LARP4B: variants seen among roughly 807,000 people sequenced by gnomAD.
LARP4B encodes la-related protein 4B.
In LARP4B, 12 loss-of-function variants were observed where a neutral mutation model predicts 89.8. The ratio of observed to expected loss-of-function variants is 0.13; its 90% CI spans 0.09 to 0.22. The LOEUF is 0.22. Among genes scored for constraint, LARP4B ranks in the 10% least tolerant of loss-of-function variants. LARP4B has a pLI of 1.00. For synonymous variants in LARP4B, 367 were observed against 363.3 expected (o/e 1.01, Z -0.12); for missense variants, 757 against 947.7 (o/e 0.80, Z 2.64).
the LARP4B span, among the ~76,000 whole-genome samples, chr10:980,089 T>A: frequency 1.3e-4 from 19 of 151,520 alleles, no homozygotes; most frequent in Non-Finnish European, 2.2e-4. Context: ...CTAGCAGGAG[T>A]CATTAAATCT....
At chr10:952,345 A>G in the LARP4B span, among the ~76,000 whole-genome samples, 37 of 148,120 alleles carry the variant, frequency 2.5e-4, no homozygotes, top group African/African-American at 9.3e-4. Context: ...ATCTCAAAAA[A>G]AAAAAAAAAA....
chr10:863,810 T>C lies in LARP4B; in HGVS notation c.363A>G (p.Pro121=). The C allele has an allele frequency of 1.2e-6, 2 of 1,614,162 alleles. No homozygotes were observed. Among genetic ancestry groups the C allele is most frequent in the Non-Finnish European group, 1.7e-6 (2 of 1,180,028 alleles). ...AALPDPQESD[P]ADMNALALGP... is the part of the protein sequence containing the mutation. ...CCAGAGCGAGAGCGTTCATGTCTGC[T>C]GGGTCCGACTCCTGCGGGTCTGGCA... Residue 121 remains proline (P), a synonymous_variant, in exon 5 of 18, where the codon CCA becomes CCG. Transcript: ENST00000316157.
chr10:915,515 GT>G (rs934140525), intron 1 of LARP4B, among the ~76,000 whole-genome samples: 1 of 152,000 alleles, frequency 6.6e-6, no homozygotes, highest in South Asian at 2.1e-4. Flanking sequence ...AAAAGTTTTT[GT>G]TTTTTTGGCC....
intron 1 of LARP4B, among the ~76,000 whole-genome samples, chr10:904,954 G>A (rs981205387): frequency 3.9e-5 from 6 of 152,204 alleles, no homozygotes; most frequent in African/African-American, 1.4e-4. Context: ...ATGGTTCAAT[G>A]TACAGACCTC....
chr10:912,398 C>T (rs566291787), intron 1 of LARP4B, among the ~76,000 whole-genome samples: 5 of 152,088 alleles, frequency 3.3e-5, no homozygotes, highest in South Asian at 2.1e-4. Flanking sequence ...CATCCCAGGC[C>T]GAGGGTAGGA....
At chr10:987,623 C>T in the LARP4B span, 1 of 152,250 alleles carries the variant, frequency 6.6e-6, no homozygotes, top group Non-Finnish European at 1.5e-5. Context: ...CACTGCTTGA[C>T]TGAGTCAGCC....
At chr10:817,139 C>T (rs1431789723) in intron 15 of LARP4B, among the ~76,000 whole-genome samples, 4 of 152,174 alleles carry the variant, frequency 2.6e-5, no homozygotes, top group African/African-American at 7.2e-5. Context: ...GTGTGGCAGC[C>T]GGCCAAGTCC....
At chr10:816,826 A>G (rs1188679189) in intron 15 of LARP4B, among the ~76,000 whole-genome samples, 3 of 152,230 alleles carry the variant, frequency 2.0e-5, no homozygotes, top group Non-Finnish European at 4.4e-5. Context: ...ATACTGCATC[A>G]AAATCCACCT....
the LARP4B span, among the ~76,000 whole-genome samples, chr10:961,055 T>C: frequency 1.3e-5 from 2 of 152,224 alleles, no homozygotes; most frequent in Non-Finnish European, 2.9e-5. Context: ...CTGCCACTGA[T>C]GCCTGCTGGA....
At chr10:813,307 C>T in intron 17 of LARP4B, 94 bp from the exon 18 acceptor site, 1 of 1,281,574 alleles carries the variant, frequency 7.8e-7, no homozygotes, top group South Asian at 1.6e-5. Flanking sequence ...GAGTTTTCAA[C>T]TGTAACTAAG....
the LARP4B span, among the ~76,000 whole-genome samples, chr10:970,555 C>T: frequency 6.6e-6 from 1 of 152,284 alleles, no homozygotes; most frequent in African/African-American, 2.4e-5. Flanking sequence ...CTCATCGGGA[C>T]TTCTGTGCCA....
At chr10:863,612 G>C in intron 5 of LARP4B, 131 bp downstream of exon 5, 4 of 992,770 alleles carry the variant, frequency 4.0e-6, no homozygotes, top group Non-Finnish European at 4.4e-6. Flanking sequence ...CCACATAAGG[G>C]TGAGTTTAAA....
At chr10:842,354 C>T (rs780042128) in intron 7 of LARP4B, among the ~76,000 whole-genome samples, 10 of 152,064 alleles carry the variant, frequency 6.6e-5, no homozygotes, top group Admixed American at 1.3e-4. Context: ...CACACCACCA[C>T]GCCCAGCTAA....
intron 7 of LARP4B, among the ~76,000 whole-genome samples, chr10:840,980 C>T (rs1004252413): frequency 2.0e-5 from 3 of 152,024 alleles, no homozygotes; most frequent in African/African-American, 7.2e-5. Flanking sequence ...GGTAAAACCT[C>T]GTCTCTACTA....
At chr10:868,742 C>T (rs765042777) in intron 3 of LARP4B, among the ~76,000 whole-genome samples, 11 of 152,162 alleles carry the variant, frequency 7.2e-5, no homozygotes, top group African/African-American at 1.7e-4. Flanking sequence ...AGTGTGGGCA[C>T]GGAAATAAAA....
At chr10:874,191 G>A (rs562655680) in intron 3 of LARP4B, among the ~76,000 whole-genome samples, 68 of 152,212 alleles carry the variant, frequency 4.5e-4, no homozygotes, top group African/African-American at 1.4e-3. Flanking sequence ...CCAAGATTGC[G>A]CCACTGCACT....
At chr10:965,989 G>C in the LARP4B span, among the ~76,000 whole-genome samples, 16 of 152,114 alleles carry the variant, frequency 1.1e-4, no homozygotes, top group Admixed American at 3.9e-4. Context: ...AACGTTGTTT[G>C]AAAAAGCAGA....
At chr10:820,330 A>T (rs1298904251) in intron 14 of LARP4B, 1 of 155,484 alleles carries the variant, frequency 6.4e-6, no homozygotes, top group Non-Finnish European at 1.4e-5. Flanking sequence ...AGTAAGTTAT[A>T]GCAGAAGGAG....
intron 3 of LARP4B, among the ~76,000 whole-genome samples, chr10:878,251 G>T (rs1835533646): frequency 6.6e-6 from 1 of 152,190 alleles, no homozygotes; most frequent in East Asian, 1.9e-4. Flanking sequence ...AGGAGTGGCA[G>T]GTTCTGACTT....
Sources: gnomAD v4.1 joint callset for allele counts (sites outside exome capture counted in the v4.1 genomes callset) on GRCh38, gnomAD v4.1.1 for gene constraint, MANE v1.5 for transcripts, NCBI Gene and HGNC (gene_info 2026-07-23, HGNC 2026-07-21) for gene names.